Variants in LRRC37A2 observed in about 807,000 individuals in gnomAD.
LRRC37A2 encodes leucine rich repeat containing 37 member A2, also known as leucine-rich repeat-containing protein 37A2.
In LRRC37A2, 9 loss-of-function variants were observed where a neutral mutation model predicts 68.8. The observed-to-expected ratio is 0.13, with a 90% CI of 0.08 to 0.23. The LOEUF (loss-of-function observed/expected upper bound fraction) is 0.23. LRRC37A2 is among the 10% of genes least tolerant of loss of function. The pLI, the probability that LRRC37A2 is intolerant of heterozygous loss-of-function variation, is 1.00. For missense variants in LRRC37A2, 168 were observed against 950.4 expected (o/e 0.18, Z 10.82); for synonymous variants, 63 against 367.6 (o/e 0.17, Z 9.48).
the LRRC37A2 span, among the ~76,000 whole-genome samples, chr17:47,012,166 T>C: frequency 6.6e-6 from 1 of 152,212 alleles, no homozygotes; most frequent in Non-Finnish European, 1.5e-5. Context: ...AACCTTTTAT[T>C]GTCAGGAAGA....
At chr17:46,768,774 T>C in the LRRC37A2 span, 3 of 1,613,934 alleles carry the variant, frequency 1.9e-6, no homozygotes, top group East Asian at 2.2e-5. This position sits in a 1 kb window ranked among gnomAD's most constrained non-coding sequence, Gnocchi z 5.0. Flanking sequence ...GCACTTGCAT[T>C]TGAGGTGCAT....
the LRRC37A2 span, among the ~76,000 whole-genome samples, chr17:47,001,992 G>GC: frequency 6.6e-6 from 1 of 151,996 alleles, no homozygotes; most frequent in African/African-American, 2.4e-5. Flanking sequence ...GCCCACCTCG[G>GC]CCCCCCAAAG....
At chr17:46,755,336 G>C in the LRRC37A2 span, 1 of 1,613,798 alleles carries the variant, frequency 6.2e-7, no homozygotes, top group Non-Finnish European at 8.5e-7. Context: ...TACCGTGTGA[G>C]AAAATTCTTG....
chr17:46,907,466 C>T, the LRRC37A2 span, among the ~76,000 whole-genome samples: 1 of 151,830 alleles, frequency 6.6e-6, no homozygotes, highest in African/African-American at 2.4e-5. Context: ...CTGCTCTTAC[C>T]TGAGCATCTC....
chr17:46,673,911 GTGTGTGTGTGTGT>G, the LRRC37A2 span, among the ~76,000 whole-genome samples: 11 of 5,484 alleles, frequency 2.0e-3, 1 homozygote, highest in African/African-American at 3.7e-3. Flanking sequence ...TTCCATGGGG[GTGTGTGTGTGTGT>G]GTGTGTGTGT....
chr17:46,831,250 C>T, the LRRC37A2 span, among the ~76,000 whole-genome samples: 1 of 152,160 alleles, frequency 6.6e-6, no homozygotes, highest in East Asian at 1.9e-4. Flanking sequence ...GCCAGAGACC[C>T]TGTGGGTGAG....
chr17:46,402,764 C>A, the LRRC37A2 span, among the ~76,000 whole-genome samples: 2 of 1,582 alleles, frequency 1.3e-3, no homozygotes, highest in African/African-American at 1.5e-3. Context: ...GATGAAGCCT[C>A]TCTCTTGTCC....
the LRRC37A2 span, chr17:46,941,550 C>T: frequency 3.3e-6 from 1 of 302,104 alleles, no homozygotes; most frequent in Non-Finnish European, 4.9e-6. Context: ...GAATTAGAAC[C>T]TTTTTTAAAT....
At chr17:46,804,246 C>T in the LRRC37A2 span, among the ~76,000 whole-genome samples, 2 of 151,964 alleles carry the variant, frequency 1.3e-5, no homozygotes, top group East Asian at 3.9e-4. Flanking sequence ...TGCCACCACA[C>T]CCGGCTAATT....
At chr17:46,934,523 A>G in the LRRC37A2 span, among the ~76,000 whole-genome samples, 1 of 151,964 alleles carries the variant, frequency 6.6e-6, no homozygotes, top group Non-Finnish European at 1.5e-5. Flanking sequence ...CCCTGTCTCA[A>G]AAAAAAAGAA....
the LRRC37A2 span, among the ~76,000 whole-genome samples, chr17:46,858,977 GC>G: frequency 2.1e-5 from 3 of 141,002 alleles, no homozygotes; most frequent in African/African-American, 5.5e-5. Context: ...TATAATTTTA[GC>G]TTTTTTTTTT....
At chr17:46,844,116 G>T in the LRRC37A2 span, among the ~76,000 whole-genome samples, 4 of 152,048 alleles carry the variant, frequency 2.6e-5, no homozygotes, top group South Asian at 8.3e-4. Context: ...ACAATGCCTG[G>T]CTAATTTTTT....
chr17:46,872,528 G>T, the LRRC37A2 span: 5 of 1,543,948 alleles, frequency 3.2e-6, no homozygotes, highest in Non-Finnish European at 4.4e-6. Flanking sequence ...CTGACCGGGC[G>T]GGAAGTCCTG....
the LRRC37A2 span, among the ~76,000 whole-genome samples, chr17:46,963,510 C>T: frequency 2.3e-4 from 34 of 149,832 alleles, no homozygotes; most frequent in Non-Finnish European, 4.0e-4. Flanking sequence ...ACACCACGCA[C>T]TCCAGCCTGG....
chr17:46,867,482 C>A, the LRRC37A2 span, among the ~76,000 whole-genome samples: 1 of 152,224 alleles, frequency 6.6e-6, no homozygotes, highest in South Asian at 2.1e-4. Flanking sequence ...AGACCTAGGA[C>A]CAGACTACCT....
At chr17:46,913,829 G>A in the LRRC37A2 span, among the ~76,000 whole-genome samples, 1 of 151,990 alleles carries the variant, frequency 6.6e-6, no homozygotes, top group African/African-American at 2.4e-5. Context: ...GCACGATCTC[G>A]GCTCACTGCA....
chr17:46,812,439 G>A, the LRRC37A2 span, among the ~76,000 whole-genome samples: 1 of 152,166 alleles, frequency 6.6e-6, no homozygotes, highest in East Asian at 1.9e-4. Flanking sequence ...AGCTCCTAGA[G>A]AAGCAACTTC....
At chr17:46,739,629 C>T in the LRRC37A2 span, among the ~76,000 whole-genome samples, 1 of 151,868 alleles carries the variant, frequency 6.6e-6, no homozygotes, top group Non-Finnish European at 1.5e-5. Flanking sequence ...CCTGTGGGCC[C>T]CTTCCTCTAC....
the LRRC37A2 span, among the ~76,000 whole-genome samples, chr17:46,760,633 C>CAAAA: frequency 1.3e-4 from 8 of 61,260 alleles, no homozygotes; most frequent in Admixed American, 3.9e-4. Context: ...GACCCTATCT[C>CAAAA]AAAAAAAAAA....
Sources: gnomAD v4.1 joint callset for allele counts (sites outside exome capture counted in the v4.1 genomes callset) on GRCh38, gnomAD v4.1.1 for gene constraint, Gnocchi (gnomAD v3.1) non-coding constraint, MANE v1.5 for transcripts, NCBI Gene and HGNC (gene_info 2026-07-23, HGNC 2026-07-21) for gene names.